MAP3K4: variants seen among roughly 807,000 people sequenced by gnomAD.
MAP3K4 encodes the protein MAP three kinase 1.
Under a neutral mutation model 185.6 loss-of-function variants are expected in MAP3K4, and 67 were observed. That is an observed-to-expected ratio of 0.36 (90% CI 0.30 to 0.44). The LOEUF (loss-of-function observed/expected upper bound fraction) is 0.44, where lower values mean the gene tolerates loss of function less well. Ranked by LOEUF, MAP3K4 falls within the 20% of genes least tolerant of loss-of-function variation. MAP3K4 has a pLI of 1.00. For missense variants in MAP3K4, 1,551 were observed against 1,995.1 expected (o/e 0.78, Z 4.24); for synonymous variants, 702 against 710.4 (o/e 0.99, Z 0.19).
At chr6:161,058,759 T>C (rs1201881256) in intron 3 of MAP3K4, among the ~76,000 whole-genome samples, 2 of 148,598 alleles carry the variant, frequency 1.3e-5, no homozygotes, top group African/African-American at 4.9e-5. Context: ...TCCTTGTAGA[T>C]ATATATATAT....
chr6:160,998,926 T>C (rs1432911751), intron 1 of MAP3K4, among the ~76,000 whole-genome samples: 2 of 152,180 alleles, frequency 1.3e-5, no homozygotes, highest in African/African-American at 4.8e-5. Context: ...CAACATGAAG[T>C]TTTGTTTTTG....
At position 161,051,987 on chromosome 6, in the gene MAP3K4, T is replaced by A. The variant is rs556881090; in HGVS notation, c.1707+2008T>A. 6.6e-6 allele frequency among the ~76,000 whole-genome samples: 1 copy of A among 152,332 alleles called. No homozygotes were observed. Among genetic ancestry groups the A allele is most frequent in the East Asian group, 1.9e-4 (1 of 5,178 alleles). ...CTTTTTATTGTTGTATTCTTATTTT[T>A]AATGTTTTTTCAAACATTCTTGATC... is the stretch of plus-strand genomic sequence containing the variant. On this transcript the variant is annotated intron_variant, in intron 3 of 26. Coordinates refer to ENST00000392142, the MANE Select transcript of MAP3K4 (RefSeq NM_005922.4). This position sits in a 1 kb window ranked among gnomAD's most constrained non-coding sequence, Gnocchi z 4.2.
In MAP3K4 at chr6:161,071,848, G is replaced by A. The variant is rs533146326; in HGVS notation, c.1950+998G>A. 2.0e-5 allele frequency among the ~76,000 whole-genome samples: 3 copies of A among 152,122 alleles called. No individual in the cohort carries two copies. The East Asian group carries it at 5.8e-4, about 29-fold the overall frequency. On this transcript the variant is annotated intron_variant, in intron 4 of 26. Coordinates refer to ENST00000392142, the MANE Select transcript of MAP3K4 (RefSeq NM_005922.4). This position sits in a 1 kb window ranked among gnomAD's most constrained non-coding sequence, Gnocchi z 4.6. ...TTGCTTTTAACTCATCCTCATAATC[G>A]CAGTGGTTATCTAGGACATTTTGGG...
chr6:161,109,130 A>C lies in MAP3K4; in HGVS notation c.4236+271A>C. On this transcript the variant is annotated intron_variant, in intron 22 of 26. Coordinates refer to ENST00000392142, the MANE Select transcript of MAP3K4 (RefSeq NM_005922.4). This position sits in a 1 kb window ranked among gnomAD's most constrained non-coding sequence, Gnocchi z 5.7. ...AGAAGATTCTTCTAAAACGCCCCTTACACCACTTCTTGTGACTTTTTTTCC... is the reference window on the plus strand; with the variant it reads ...AGAAGATTCTTCTAAAACGCCCCTTCCACCACTTCTTGTGACTTTTTTTCC... The C allele has an allele frequency of 1.2e-6, 1 of 851,090 alleles. No individual in the cohort carries two copies. The highest frequency in any genetic ancestry group is 1.5e-5 in the South Asian group (1 of 67,718). The allele number at this position is 851,090 out of a possible 1,614,324, so 52.7% of individuals were successfully genotyped here.
At position 161,073,432 on chromosome 6, in the gene MAP3K4, A is replaced by C; in HGVS notation, c.1951-34A>C. The C allele has an allele frequency of 6.5e-7, 1 of 1,535,286 alleles. No homozygotes were observed. Among genetic ancestry groups the C allele is most frequent in the Non-Finnish European group, 8.8e-7 (1 of 1,140,046 alleles). On this transcript the variant is annotated intron_variant, in intron 4 of 26. Transcript: ENST00000392142. This position sits in a 1 kb window ranked among gnomAD's most constrained non-coding sequence, Gnocchi z 4.2. ...AACACGGATCGTCTGGTTGGAGTTT[A>C]TGGCTGCTGGAACCTGTGTGTGTTG...
rs755956655 is a variant in MAP3K4 at position 161,080,250 on chromosome 6, G to C, written c.2098-631G>C. 2.4e-4 allele frequency among the ~76,000 whole-genome samples: 36 copies of C among 152,200 alleles called. No individual in the cohort carries two copies. The highest frequency in any genetic ancestry group is 4.3e-4 in the Non-Finnish European group (29 of 68,032). On this transcript the variant is annotated intron_variant, in intron 5 of 26. Transcript: ENST00000392142. This position sits in a 1 kb window ranked among gnomAD's most constrained non-coding sequence, Gnocchi z 4.8. ...CATTGCAAACCTGTTGAGAAAAACT[G>C]CTTGATAGTTGAACCCTGCTGACCA...
intron 1 of MAP3K4, among the ~76,000 whole-genome samples, chr6:161,026,524 G>C (rs1253075026): frequency 6.6e-6 from 1 of 152,020 alleles, no homozygotes; most frequent in Non-Finnish European, 1.5e-5. Context: ...TTTGGATGAA[G>C]ATATATATAG....
At chr6:161,007,000 G>A (rs1341330057) in intron 1 of MAP3K4, among the ~76,000 whole-genome samples, 3 of 152,124 alleles carry the variant, frequency 2.0e-5, no homozygotes, top group South Asian at 2.1e-4. Flanking sequence ...TTGACAAACT[G>A]TAAAATCAAA....
chr6:161,049,477 A>G lies in MAP3K4; in HGVS notation c.1205A>G (p.Asp402Gly), dbSNP rs1357782243. 2 of 1,614,184 alleles carry G rather than the reference A, an allele frequency of 1.2e-6. No homozygotes were observed. The highest frequency in any genetic ancestry group is 1.7e-6 in the Non-Finnish European group (2 of 1,180,016). Reference protein sequence around the residue: ...ALCLWLNITKDLNQKLRIMGT... With the variant: ...ALCLWLNITKGLNQKLRIMGT... ...TGTTTGTGGTTAAACATCACAAAAG[A>G]CTTAAATCAGAAATTAAGGATTATG... is the stretch of plus-strand genomic sequence containing the variant. The change falls in exon 3 of 27, where the codon GAC (aspartate) becomes GGC (glycine). Residue 402 changes from aspartate (D) to glycine (G), a missense_variant. This residue lies in a region of MAP3K4 where 24 missense variants were observed against 48.5 expected (regional missense o/e 0.49). Coordinates refer to ENST00000392142, the MANE Select transcript of MAP3K4 (RefSeq NM_005922.4). The surrounding 1 kb of genome is among the most constrained non-coding windows in gnomAD (Gnocchi z 8.4).
chr6:160,992,790 A>G (rs905431836), intron 1 of MAP3K4, among the ~76,000 whole-genome samples: 1 of 151,094 alleles, frequency 6.6e-6, no homozygotes, highest in African/African-American at 2.4e-5. Context: ...TTTCTTCCAT[A>G]CTCTATTAAC....
At chr6:161,062,462 C>T (rs1399675954) in intron 3 of MAP3K4, among the ~76,000 whole-genome samples, 5 of 152,104 alleles carry the variant, frequency 3.3e-5, no homozygotes, top group South Asian at 2.1e-4. Flanking sequence ...TGTTTAAAGG[C>T]TCATTTTTAA....
intron 1 of MAP3K4, among the ~76,000 whole-genome samples, chr6:161,030,412 A>C (rs1782869811): frequency 6.6e-6 from 1 of 151,682 alleles, no homozygotes; most frequent in African/African-American, 2.4e-5. Context: ...GGTTTGGATC[A>C]TATATTTTTT....
chr6:161,024,538 T>G (rs2115126160), intron 1 of MAP3K4, among the ~76,000 whole-genome samples: 1 of 152,336 alleles, frequency 6.6e-6, no homozygotes, highest in Non-Finnish European at 1.5e-5. Context: ...TGTTAACAGT[T>G]TCTCACACTT....
chr6:161,109,541 G>A lies in MAP3K4; in HGVS notation c.4237-214G>A, dbSNP rs1778253186. ...GGAGATGTTCTTATCCCCAAGAGCT[G>A]TATAATTCCAGACAGAGGAGGCAGG... On this transcript the variant is annotated intron_variant, in intron 22 of 26. Transcript: ENST00000392142. This position sits in a 1 kb window ranked among gnomAD's most constrained non-coding sequence, Gnocchi z 5.7. Among the ~76,000 whole-genome samples the A allele has an allele frequency of 6.6e-6, 1 of 152,178 alleles. No homozygotes were observed. The highest frequency in any genetic ancestry group is 1.5e-5 in the Non-Finnish European group (1 of 68,020).
intron 1 of MAP3K4, among the ~76,000 whole-genome samples, chr6:161,000,978 ATATAATATATATTATATAT>A (rs1781265454): frequency 1.5e-5 from 2 of 133,728 alleles, no homozygotes; most frequent in African/African-American, 2.9e-5. Flanking sequence ...ACACATATGT[ATATAATATATATTATATAT>A]TATAATATAC....
rs571709531 is a variant in MAP3K4, at chr6:160,998,184, T to C, written c.152+6101T>C. 3.3e-5 allele frequency among the ~76,000 whole-genome samples: 5 copies of C among 152,314 alleles called. No homozygotes were observed. In the South Asian group the frequency reaches 1.0e-3, roughly 32 times the overall value. ...ACCACACTGTCAGCCAGTTGCCCTT[T>C]TGTGCTAGATTTGTCCCTATTTTTC... On this transcript the variant is annotated intron_variant, in intron 1 of 26. Coordinates refer to ENST00000392142, the MANE Select transcript of MAP3K4 (RefSeq NM_005922.4).
chr6:161,072,248 A>G (rs767985995), intron 4 of MAP3K4, among the ~76,000 whole-genome samples: 2 of 152,222 alleles, frequency 1.3e-5, no homozygotes, highest in Non-Finnish European at 2.9e-5. Flanking sequence ...AATAAAAGCA[A>G]TCCATGTTTA....
chr6:161,105,755 CA>C (rs1433133119), intron 19 of MAP3K4, among the ~76,000 whole-genome samples: 1 of 151,880 alleles, frequency 6.6e-6, no homozygotes, highest in Non-Finnish European at 1.5e-5. Flanking sequence ...ATAGAAAAGA[CA>C]AACTGGGTCC....
At position 161,049,273 on chromosome 6, in the gene MAP3K4, T is replaced by C. The variant is rs202198092; in HGVS notation, c.1001T>C (p.Ile334Thr). 3.5e-5 allele frequency: 57 copies of C among 1,614,136 alleles called. No homozygotes were observed. The Middle Eastern group carries it at 8.2e-4, about 23-fold the overall frequency. The change falls in exon 3 of 27, where the codon ATT becomes ACT. Residue 334 changes from isoleucine to threonine, a missense_variant. Ile to Thr is a moderately conservative substitution (Grantham distance 89). Around this residue, in one of 16 missense-constraint regions of MAP3K4, gnomAD observed 93 missense variants for 96.7 expected, o/e 0.96. Coordinates refer to ENST00000392142, the MANE Select transcript of MAP3K4 (RefSeq NM_005922.4). The surrounding 1 kb of genome is among the most constrained non-coding windows in gnomAD (Gnocchi z 8.4). Reference sequence around the variant, plus strand: ...TGCAAAGCCACTCCTGGAACAAAGATTGTAGGTTACTCAACACATCATGAG... The same window carrying C: ...TGCAAAGCCACTCCTGGAACAAAGACTGTAGGTTACTCAACACATCATGAG... ...GQCKATPGTKIVGYSTHHEHL... is the reference protein window; with the variant it reads ...GQCKATPGTKTVGYSTHHEHL...
Sources: allele counts gnomAD v4.1 joint callset (sites outside exome capture counted in the v4.1 genomes callset), GRCh38; gene constraint gnomAD v4.1.1; regional missense constraint gnomAD v4.1.1; non-coding constraint Gnocchi (gnomAD v3.1); transcripts MANE v1.5; gene names NCBI Gene and HGNC (gene_info 2026-07-23, HGNC 2026-07-21).